ZNF675: variants seen among roughly 807,000 people sequenced by gnomAD.
The protein encoded by ZNF675 is zinc finger protein 675.
A neutral mutation model predicts 56.1 loss-of-function variants in ZNF675; 36 were observed. That is an observed-to-expected ratio of 0.64 (90% CI 0.49 to 0.85). ZNF675 has a LOEUF of 0.85. ZNF675 is among the 40% of genes least tolerant of loss of function. The pLI is 0.00. For synonymous variants in ZNF675, 200 were observed against 218.9 expected (o/e 0.91, Z 0.76); for missense variants, 663 against 654.2 (o/e 1.01, Z -0.15).
At chr19:23,661,336 A>G (rs1325388285) in intron 3 of ZNF675, among the ~76,000 whole-genome samples, 2 of 151,918 alleles carry the variant, frequency 1.3e-5, no homozygotes, top group African/African-American at 4.8e-5. Flanking sequence ...AGCCCTTTAT[A>G]ATTTCAAGAC....
chr19:23,661,896 A>T, intron 3 of ZNF675: 1 of 438,790 alleles, frequency 2.3e-6, no homozygotes, highest in Non-Finnish European at 4.1e-6. Flanking sequence ...CCGAAAACTT[A>T]AAGGAAAATT....
At chr19:23,681,449 G>A (rs1968375470) in intron 1 of ZNF675, among the ~76,000 whole-genome samples, 1 of 151,634 alleles carries the variant, frequency 6.6e-6, no homozygotes, top group Non-Finnish European at 1.5e-5. Context: ...GAGGAGACCT[G>A]AAATCACAGG....
chr19:23,656,369 G>GGCA (rs1257459778), intron 3 of ZNF675: 1 of 152,132 alleles, frequency 6.6e-6, no homozygotes, highest in Non-Finnish European at 1.5e-5. Context: ...GGCTGAGGTG[G>GGCA]GCAGATTACC....
chr19:23,669,704 T>C (rs1968204426), intron 1 of ZNF675, among the ~76,000 whole-genome samples: 1 of 151,760 alleles, frequency 6.6e-6, no homozygotes, highest in Admixed American at 6.6e-5. Context: ...TACAGAAAAA[T>C]TAGTCTTGCA....
intron 1 of ZNF675, among the ~76,000 whole-genome samples, chr19:23,681,796 G>A (rs1346035444): frequency 6.6e-6 from 1 of 151,656 alleles, no homozygotes; most frequent in African/African-American, 2.4e-5. Flanking sequence ...GCTATTCACA[G>A]AACTCAGTGA....
At chr19:23,677,818 T>G (rs1440291445) in intron 1 of ZNF675, among the ~76,000 whole-genome samples, 1 of 149,772 alleles carries the variant, frequency 6.7e-6, no homozygotes, top group African/African-American at 2.5e-5. Flanking sequence ...TACAAAACAC[T>G]TCTTAAAGAA....
At chr19:23,684,663 G>C (rs888150883) in intron 1 of ZNF675, among the ~76,000 whole-genome samples, 1 of 151,840 alleles carries the variant, frequency 6.6e-6, no homozygotes, top group African/African-American at 2.4e-5. Flanking sequence ...AAGAAAACAG[G>C]TGTGTCTAAT....
chr19:23,680,401 C>T (rs1968361828), intron 1 of ZNF675, among the ~76,000 whole-genome samples: 1 of 151,730 alleles, frequency 6.6e-6, no homozygotes, highest in Admixed American at 6.6e-5. Context: ...ATGTACAGAG[C>T]TAGAGACCAC....
intron 3 of ZNF675, among the ~76,000 whole-genome samples, chr19:23,660,566 T>C (rs1231181184): frequency 6.6e-6 from 1 of 151,884 alleles, no homozygotes; most frequent in African/African-American, 2.4e-5. Flanking sequence ...AAACTTAAAC[T>C]CTCTGATAAA....
intron 1 of ZNF675, among the ~76,000 whole-genome samples, chr19:23,682,485 A>G (rs954723791): frequency 6.6e-6 from 1 of 151,798 alleles, no homozygotes; most frequent in Admixed American, 6.6e-5. Flanking sequence ...CTTCAGTAAG[A>G]CCTTCACAGC....
chr19:23,656,870 G>C (rs1967992589), intron 3 of ZNF675: 1 of 152,110 alleles, frequency 6.6e-6, no homozygotes, highest in South Asian at 2.1e-4. Flanking sequence ...TTGAGTTTTA[G>C]TTTCACAAGA....
chr19:23,674,207 A>G (rs1968265209), intron 1 of ZNF675, among the ~76,000 whole-genome samples: 2 of 151,860 alleles, frequency 1.3e-5, no homozygotes, highest in South Asian at 2.1e-4. Flanking sequence ...CTATCTCACA[A>G]ATAAAATAAA....
intron 1 of ZNF675, among the ~76,000 whole-genome samples, chr19:23,672,546 A>G (rs1380593158): frequency 1.3e-5 from 2 of 152,202 alleles, no homozygotes; most frequent in Non-Finnish European, 2.9e-5. Context: ...TTCTCAATCG[A>G]AAGCCTAACC....
At chr19:23,654,860 G>C in intron 3 of ZNF675, 154 bp from the exon 4 acceptor site, 1 of 391,438 alleles carries the variant, frequency 2.6e-6, no homozygotes, top group Non-Finnish European at 4.0e-6. Context: ...AATGCAAAGA[G>C]CCACATAGAA....
intron 2 of ZNF675, 29 bp downstream of exon 2, chr19:23,663,003 A>T (rs1159530200): frequency 1.3e-6 from 2 of 1,540,252 alleles, no homozygotes; most frequent in Admixed American, 2.2e-5. Context: ...CAAAAAAAAA[A>T]AGAAACTGTG....
intron 1 of ZNF675, among the ~76,000 whole-genome samples, chr19:23,667,866 C>G (rs2144936064): frequency 6.7e-6 from 1 of 148,538 alleles, no homozygotes; most frequent in East Asian, 2.0e-4. Context: ...GAGCTAGACA[C>G]AGGGTGCTGA....
intron 1 of ZNF675, among the ~76,000 whole-genome samples, chr19:23,678,917 A>G (rs1214728726): frequency 6.6e-6 from 1 of 151,684 alleles, no homozygotes; most frequent in Non-Finnish European, 1.5e-5. Context: ...CTGTAATCCC[A>G]GCACTTTGGA....
At position 23,687,181 on chromosome 19, in the gene ZNF675, G is replaced by A. The variant is rs577033154; in HGVS notation, c.-148C>T. On this transcript the variant is annotated 5_prime_UTR_variant, in exon 1 of 4. Coordinates refer to ENST00000359788, the MANE Select transcript of ZNF675 (RefSeq NM_138330.3). ...AGCTCCGGCTGCAGCGAGAGACAAA[G>A]GCGCCGCCAAATCCCGGAAGCCATC... is the stretch of plus-strand genomic sequence containing the variant. The A allele has an allele frequency of 4.7e-5, 46 of 969,882 alleles. No homozygotes were observed. The highest frequency in any genetic ancestry group is 3.5e-4 in the South Asian group (25 of 71,688). The allele number at this position is 969,882 out of a possible 1,614,324, so 60.1% of individuals were successfully genotyped here.
At position 23,654,520 on chromosome 19, in the gene ZNF675, G is replaced by T. The variant is rs953573694; in HGVS notation, c.413C>A (p.Thr138Asn). The change falls in exon 4 of 4, where the codon ACT (threonine) becomes AAT (asparagine). Residue 138 changes from threonine (T) to asparagine (N), a missense_variant. Transcript: ENST00000359788. ...ACATTGAAACATTTTGCTCTGCATA[G>T]TTGGTAAACATTGGTTAAGTCCATT... is the stretch of plus-strand genomic sequence containing the variant. ...GYNGLNQCLP[T>N]MQSKMFQCDK... The T allele has an allele frequency of 1.2e-6, 2 of 1,605,516 alleles. No individual in the cohort carries two copies. Among genetic ancestry groups the T allele is most frequent in the Middle Eastern group, 3.3e-4 (2 of 5,978 alleles).
Sources: gnomAD v4.1 joint callset for allele counts (sites outside exome capture counted in the v4.1 genomes callset) on GRCh38, gnomAD v4.1.1 for gene constraint, MANE v1.5 for transcripts, NCBI Gene and HGNC (gene_info 2026-07-23, HGNC 2026-07-21) for gene names.